Variants in CPEB1 observed in about 807,000 individuals in gnomAD.
The protein encoded by CPEB1 is cytoplasmic polyadenylation element binding protein 1.
Under a neutral mutation model 65.8 loss-of-function variants are expected in CPEB1, and 7 were observed. The ratio of observed to expected loss-of-function variants is 0.11; its 90% CI spans 0.06 to 0.20. The LOEUF (loss-of-function observed/expected upper bound fraction) is 0.20, where lower values mean the gene tolerates loss of function less well. CPEB1 is among the 10% of genes least tolerant of loss of function. The pLI, the probability that CPEB1 is intolerant of heterozygous loss-of-function variation, is 1.00. For missense variants in CPEB1, 551 were observed against 712.2 expected, an observed-to-expected ratio of 0.77 and a Z score of 2.58; for synonymous variants, 262 against 260.0, an observed-to-expected ratio of 1.01 and a Z score of -0.08.
chr15:82,645,076 G>A (rs1375321807), intron 1 of CPEB1, among the ~76,000 whole-genome samples: 2 of 152,190 alleles, frequency 1.3e-5, no homozygotes, highest in African/African-American at 4.8e-5. Flanking sequence ...GCACAGGCTG[G>A]CACAACCTCC....
In CPEB1 at chr15:82,553,940, T is replaced by C; in HGVS notation, c.992A>G (p.Tyr331Cys). The C allele has an allele frequency of 6.2e-7, 1 of 1,612,186 alleles. No individual in the cohort carries two copies. ...CTTGCAAGAGTAGATGGGGTTCTTA[T>C]AGTTCCGGGGAGGAAGCTGGCCACT... Reference protein sequence around the residue: ...TWSGQLPPRNYKNPIYSCKVF... With the variant: ...TWSGQLPPRNCKNPIYSCKVF... The change falls in exon 7 of 13, where the codon TAT (tyrosine) becomes TGT (cysteine). Residue 331 changes from tyrosine to cysteine, a missense_variant. Tyr to Cys is a radical substitution (Grantham distance 194). Coordinates refer to ENST00000684509, the MANE Select transcript of CPEB1 (RefSeq NM_001365242.1).
chr15:82,618,183 T>C (rs970959742), intron 3 of CPEB1, among the ~76,000 whole-genome samples: 1 of 152,182 alleles, frequency 6.6e-6, no homozygotes, highest in Non-Finnish European at 1.5e-5. Flanking sequence ...CAAATAGTTG[T>C]ACCATTTTGC....
chr15:82,594,515 T>C (rs1281467857), intron 3 of CPEB1, among the ~76,000 whole-genome samples: 2 of 152,204 alleles, frequency 1.3e-5, no homozygotes, highest in African/African-American at 2.4e-5. Flanking sequence ...TAAGGGAATG[T>C]TGTGGCTGAT....
chr15:82,547,351 C>T, intron 10 of CPEB1, 114 bp from the exon 11 acceptor site: 1 of 607,454 alleles, frequency 1.6e-6, no homozygotes, highest in Non-Finnish European at 2.8e-6. Context: ...GGCTGGTGTG[C>T]AGTGGCGCAA....
chr15:82,580,467 A>G (rs556685598), intron 3 of CPEB1, among the ~76,000 whole-genome samples: 2 of 152,354 alleles, frequency 1.3e-5, no homozygotes, highest in African/African-American at 4.8e-5. Flanking sequence ...ATAAAAATGT[A>G]GATACCAAGT....
chr15:82,544,610 C>G lies in CPEB1; in HGVS notation c.1749G>C (p.Lys583Asn). The G allele has an allele frequency of 6.2e-7, 1 of 1,612,976 alleles. No individual in the cohort carries two copies. The highest frequency in any genetic ancestry group is 8.5e-7 in the Non-Finnish European group (1 of 1,179,796). The part of the protein sequence containing the change: ...RHHSPLMRNQ[K>N]NRDSS ...AGCTCCTCTAGCTGGAATCTCGGTTCTTCTGGTTCCGCATCAGGGGGCTGT... is the reference window on the plus strand; with the variant it reads ...AGCTCCTCTAGCTGGAATCTCGGTTGTTCTGGTTCCGCATCAGGGGGCTGT... Residue 583 changes from lysine to asparagine, a missense_variant, in exon 13 of 13, where the codon AAG (lysine) becomes AAC (asparagine). Physicochemically the swap from Lys to Asn is moderately conservative, Grantham distance 94 (BLOSUM62 0). Coordinates refer to ENST00000684509, the MANE Select transcript of CPEB1 (RefSeq NM_001365242.1).
rs1160416512 is a variant in CPEB1, at chr15:82,571,349, T to C, written c.455A>G (p.His152Arg). Residue 152 changes from histidine to arginine, a missense_variant, in exon 4 of 13, where the codon CAC becomes CGC. Transcript: ENST00000684509. ...DSDSSAQSST[H>R]SVLSMLHNPL... ...ACTCATTCTCTGGCACTCACCCGAG[T>C]GTGTGCTGCTCTGGGCTGAGGAATC... 5 of 1,611,614 alleles carry C rather than the reference T, an allele frequency of 3.1e-6. No homozygotes were observed. Among genetic ancestry groups the C allele is most frequent in the African/African-American group, 1.3e-5 (1 of 74,920 alleles).
intron 3 of CPEB1, among the ~76,000 whole-genome samples, chr15:82,587,472 T>C (rs907714028): frequency 3.9e-5 from 6 of 152,170 alleles, no homozygotes; most frequent in Non-Finnish European, 7.3e-5. Context: ...TACCTCAGCA[T>C]ATGACAAAGG....
intron 1 of CPEB1, chr15:82,629,969 G>T (rs2046101974): frequency 4.1e-6 from 4 of 985,320 alleles, no homozygotes; most frequent in Non-Finnish European, 4.8e-6. Flanking sequence ...CTACAAGGTT[G>T]TTTTCCCAAG....
chr15:82,557,231 A>G (rs2150976098), intron 5 of CPEB1, among the ~76,000 whole-genome samples: 1 of 152,232 alleles, frequency 6.6e-6, no homozygotes, highest in East Asian at 1.9e-4. Flanking sequence ...AACTGAGGCA[A>G]TGTTTCATAG....
intron 3 of CPEB1, among the ~76,000 whole-genome samples, chr15:82,604,887 T>C (rs1331248140): frequency 1.3e-5 from 2 of 152,092 alleles, no homozygotes; most frequent in Non-Finnish European, 2.9e-5. Flanking sequence ...TTAATCTACA[T>C]ATTCAAAAAA....
rs565910734 is a variant in CPEB1, at chr15:82,624,643, C to T, written c.271+2550G>A. Among the ~76,000 whole-genome samples, 8 of 152,280 alleles carry T rather than the reference C, an allele frequency of 5.3e-5. No homozygotes were observed. The East Asian group carries it at 1.5e-3, about 29-fold the overall frequency. On this transcript the variant is annotated intron_variant, in intron 3 of 12. Coordinates refer to ENST00000684509, the MANE Select transcript of CPEB1 (RefSeq NM_001365242.1). ...GACCCTGGCATCTTACCAGTGAAGTCACTGGGCTCCCTGGACAGCTGCAAA... is the reference window on the plus strand; with the variant it reads ...GACCCTGGCATCTTACCAGTGAAGTTACTGGGCTCCCTGGACAGCTGCAAA...
intron 9 of CPEB1, among the ~76,000 whole-genome samples, chr15:82,552,091 G>C (rs916685351): frequency 6.6e-6 from 1 of 152,190 alleles, no homozygotes; most frequent in Non-Finnish European, 1.5e-5. Context: ...AGGAAGGGCA[G>C]GACCAGGGAA....
Position 82,571,958 on chromosome 15 carries a change from A to C in CPEB1, c.272-426T>G, listed in dbSNP as rs1162075720. On this transcript the variant is annotated intron_variant, in intron 3 of 12. Coordinates refer to ENST00000684509, the MANE Select transcript of CPEB1 (RefSeq NM_001365242.1). ...GGAATAGTCCCGGTGCAGTGCCGTT[A>C]AGTCTGGGTTGCAAGGCAGCGCCCT... The C allele has an allele frequency of 1.4e-5, 10 of 692,362 alleles. No individual in the cohort carries two copies. In the Admixed American group the frequency reaches 1.8e-4, roughly 13 times the overall value. 42.9% of individuals were successfully genotyped at this position (692,362 alleles called of 1,614,324 possible).
At chr15:82,581,689 GTACCCAAAT>G (rs2041299147) in intron 3 of CPEB1, among the ~76,000 whole-genome samples, 1 of 152,100 alleles carries the variant, frequency 6.6e-6, no homozygotes, top group Non-Finnish European at 1.5e-5. Flanking sequence ...AAATTAGGTT[GTACCCAAAT>G]GTTTGAAGAT....
chr15:82,613,031 A>AG (rs1329640533), intron 3 of CPEB1, among the ~76,000 whole-genome samples: 1 of 151,030 alleles, frequency 6.6e-6, no homozygotes, highest in Admixed American at 6.6e-5. Flanking sequence ...AAGAACAGCG[A>AG]GGAAAAAAAA....
chr15:82,553,883 G>T lies in CPEB1; in HGVS notation c.1049C>A (p.Thr350Lys). The T allele has an allele frequency of 6.3e-7, 1 of 1,599,952 alleles. No individual in the cohort carries two copies. Among genetic ancestry groups the T allele is most frequent in the Non-Finnish European group, 8.6e-7 (1 of 1,167,840 alleles). The stretch of plus-strand genomic sequence containing the variant: ...AGGTCTTAGAGACAGCTCACCTTCT[G>T]TAATATCCCAAGGAACACCTCCTAG... Reference protein sequence around the residue: ...VFLGGVPWDITEAGLVNTFRV... With the variant: ...VFLGGVPWDIKEAGLVNTFRV... Residue 350 changes from threonine to lysine, a missense_variant, in exon 7 of 13, where the codon ACA becomes AAA. By Grantham distance (78) the Thr-to-Lys change is moderately conservative. This residue lies in a region of CPEB1 where 99 missense variants were observed against 161.3 expected (regional missense o/e 0.61). Transcript: ENST00000684509.
intron 1 of CPEB1, chr15:82,629,998 T>C: frequency 1.0e-6 from 1 of 985,458 alleles, no homozygotes; most frequent in Non-Finnish European, 1.2e-6. Flanking sequence ...AGTGGTGCCA[T>C]TGAGAACTGT....
At chr15:82,546,143 G>C (rs376398192) in intron 12 of CPEB1, among the ~76,000 whole-genome samples, 2 of 151,640 alleles carry the variant, frequency 1.3e-5, no homozygotes, top group African/African-American at 4.9e-5. Context: ...ACGGAGTCTC[G>C]CTCTGTCCCA....
Sources: gnomAD v4.1 joint callset for allele counts (sites outside exome capture counted in the v4.1 genomes callset) on GRCh38, gnomAD v4.1.1 for gene constraint, gnomAD v4.1.1 regional missense constraint, MANE v1.5 for transcripts, NCBI Gene and HGNC (gene_info 2026-07-23, HGNC 2026-07-21) for gene names.